The following PAQR5 variants were observed in gnomAD, a reference collection of about 807,000 sequenced individuals.
The protein encoded by PAQR5 is membrane progestin receptor gamma.
PAQR5 carries 20 observed loss-of-function variants against 34.5 expected under a neutral mutation model. The observed-to-expected ratio is 0.58, with a 90% CI of 0.41 to 0.84. PAQR5 has a LOEUF of 0.84. Among genes scored for constraint, PAQR5 ranks in the 40% least tolerant of loss-of-function variants. The probability of loss-of-function intolerance (pLI) is 0.00; values close to 1 mark genes in which losing one functional copy is unlikely to be tolerated. For synonymous variants in PAQR5, 131 were observed against 155.6 expected, an observed-to-expected ratio of 0.84 and a Z score of 1.18; for missense variants, 378 against 412.7, an observed-to-expected ratio of 0.92 and a Z score of 0.73.
chr15:69,346,756 G>A (rs577433746), intron 2 of PAQR5, among the ~76,000 whole-genome samples: 1 of 151,454 alleles, frequency 6.6e-6, no homozygotes, highest in African/African-American at 2.4e-5. Context: ...TGAGTAGCTG[G>A]GACTGCAGGC....
intron 6 of PAQR5, among the ~76,000 whole-genome samples, chr15:69,395,552 C>A (rs773007309): frequency 6.6e-6 from 1 of 152,162 alleles, no homozygotes; most frequent in Non-Finnish European, 1.5e-5. Flanking sequence ...CTAAACACCT[C>A]GGGAGCATCG....
chr15:69,353,232 G>C (rs943093766), intron 2 of PAQR5, among the ~76,000 whole-genome samples: 1 of 152,192 alleles, frequency 6.6e-6, no homozygotes, highest in Admixed American at 6.5e-5. Context: ...CCAGCTACCT[G>C]GTGGCAAGTT....
intron 1 of PAQR5, among the ~76,000 whole-genome samples, chr15:69,304,826 G>A (rs1418866115): frequency 6.6e-6 from 1 of 152,174 alleles, no homozygotes; most frequent in Non-Finnish European, 1.5e-5. Flanking sequence ...GCCTGCCAGA[G>A]ACACAGAGAC....
At position 69,405,142 on chromosome 15, in the gene PAQR5, T is replaced by C. The variant is rs1178645157; in HGVS notation, c.*1320T>C. 1 of 396,402 alleles carries C rather than the reference T, an allele frequency of 2.5e-6. No homozygotes were observed. Among genetic ancestry groups the C allele is most frequent in the Non-Finnish European group, 4.4e-6 (1 of 224,986 alleles). The allele number at this position is 396,402 out of a possible 1,614,324, so 24.6% of individuals were successfully genotyped here. A position where few individuals can be genotyped will look rare whatever the true frequency, so the allele number is the denominator to read the frequency against. ...GCATTACTGATTAAAGTTCAGTATT[T>C]CATGGTGTTTTCAGGGAACACAGAA... On this transcript the variant is annotated 3_prime_UTR_variant, in exon 9 of 9. Coordinates refer to ENST00000395407, the MANE Select transcript of PAQR5 (RefSeq NM_017705.4).
intron 3 of PAQR5, among the ~76,000 whole-genome samples, chr15:69,364,922 G>C (rs1266285094): frequency 6.6e-6 from 1 of 151,626 alleles, no homozygotes; most frequent in Non-Finnish European, 1.5e-5. Flanking sequence ...ATTTTTAGTA[G>C]AGATGGGGTT....
chr15:69,348,250 T>C (rs1269757007), intron 2 of PAQR5, among the ~76,000 whole-genome samples: 2 of 152,240 alleles, frequency 1.3e-5, no homozygotes, highest in Non-Finnish European at 1.5e-5. Flanking sequence ...GAACCCTTAC[T>C]TTTATGGCAG....
At chr15:69,343,772 G>T (rs1350494768) in intron 2 of PAQR5, among the ~76,000 whole-genome samples, 1 of 152,180 alleles carries the variant, frequency 6.6e-6, no homozygotes, top group Non-Finnish European at 1.5e-5. Flanking sequence ...CCAGCTGATA[G>T]ATAGTGTCTG....
chr15:69,353,204 A>G (rs2054971457), intron 2 of PAQR5, among the ~76,000 whole-genome samples: 2 of 152,198 alleles, frequency 1.3e-5, no homozygotes, highest in Admixed American at 6.5e-5. Flanking sequence ...ATGTGGCACC[A>G]TTACCTGGGG....
chr15:69,399,312 CAT>C (rs976980520), intron 7 of PAQR5, among the ~76,000 whole-genome samples: 6 of 152,252 alleles, frequency 3.9e-5, no homozygotes, highest in African/African-American at 1.4e-4. Flanking sequence ...CTCTGCCACT[CAT>C]GAGACAGCAA....
chr15:69,364,258 T>A (rs184513715), intron 3 of PAQR5, among the ~76,000 whole-genome samples: 1 of 151,902 alleles, frequency 6.6e-6, no homozygotes, highest in South Asian at 2.1e-4. Flanking sequence ...TCCAGCCCAG[T>A]GCTATTCAGA....
At chr15:69,400,149 T>G (rs777162673) in intron 8 of PAQR5, 34 bp downstream of exon 8, 1 of 1,593,744 alleles carries the variant, frequency 6.3e-7, no homozygotes, top group Non-Finnish European at 8.5e-7. Flanking sequence ...CTCTGCTCAT[T>G]GCCCTCCTGA....
chr15:69,357,173 C>G (rs2415044), intron 2 of PAQR5, among the ~76,000 whole-genome samples: 151,674 of 152,220 alleles, frequency 1, 75,565 homozygotes, highest in Middle Eastern at 1. Context: ...CCAAGCAGAA[C>G]CCAGTACCAT....
At chr15:69,326,995 G>T (rs1459556863) in intron 1 of PAQR5, among the ~76,000 whole-genome samples, 8 of 147,396 alleles carry the variant, frequency 5.4e-5, no homozygotes, top group Admixed American at 2.7e-4. Context: ...ATCATGCTGG[G>T]TTTTTTTTTT....
chr15:69,404,763 G>A lies in PAQR5; in HGVS notation c.*941G>A, dbSNP rs969171225. The A allele has an allele frequency of 2.8e-5, 11 of 395,348 alleles. No individual in the cohort carries two copies. The highest frequency in any genetic ancestry group is 2.1e-4 in the African/African-American group (10 of 48,548). 24.5% of individuals were successfully genotyped at this position (395,348 alleles called of 1,614,324 possible). On this transcript the variant is annotated 3_prime_UTR_variant, in exon 9 of 9. Transcript: ENST00000395407. ...AAGTTAATCACCTTGCCAGTGGGGT[G>A]GTCACATATAGTGTTCTCAAGCTTT... is the stretch of plus-strand genomic sequence containing the variant.
intron 1 of PAQR5, among the ~76,000 whole-genome samples, chr15:69,300,884 T>C (rs185205227): frequency 1.8e-4 from 5 of 27,094 alleles, no homozygotes; most frequent in South Asian, 2.3e-3. Context: ...TTTCTTTCTT[T>C]CTTTCTTTCT....
intron 3 of PAQR5, among the ~76,000 whole-genome samples, chr15:69,368,775 C>CT (rs1567024622): frequency 4.6e-5 from 7 of 151,666 alleles, no homozygotes; most frequent in Admixed American, 1.3e-4. Flanking sequence ...ATATTAGGCT[C>CT]TTTTTTTTGA....
At chr15:69,350,319 C>G (rs1247245170) in intron 2 of PAQR5, among the ~76,000 whole-genome samples, 1 of 152,184 alleles carries the variant, frequency 6.6e-6, no homozygotes, top group Non-Finnish European at 1.5e-5. Flanking sequence ...CAGACAACTT[C>G]CAGACCAAGT....
chr15:69,379,822 C>G, intron 3 of PAQR5, 61 bp from the exon 4 acceptor site: 1 of 1,578,304 alleles, frequency 6.3e-7, no homozygotes, highest in East Asian at 2.2e-5. Context: ...AGATGTTTCT[C>G]CAGAGACCTT....
At chr15:69,364,500 T>TTA (rs1288611151) in intron 3 of PAQR5, among the ~76,000 whole-genome samples, 1 of 145,470 alleles carries the variant, frequency 6.9e-6, no homozygotes, top group Non-Finnish European at 1.5e-5. Context: ...ATTATATATG[T>TTA]TATATATATA....
Sources: allele counts gnomAD v4.1 joint callset (sites outside exome capture counted in the v4.1 genomes callset), GRCh38; gene constraint gnomAD v4.1.1; transcripts MANE v1.5; gene names NCBI Gene and HGNC (gene_info 2026-07-23, HGNC 2026-07-21).